Variants in DIP2B observed in about 807,000 individuals in gnomAD.
The protein encoded by DIP2B is DIP2 acetate--CoA ligase B (putative).
DIP2B carries 76 observed loss-of-function variants against 198.0 expected under a neutral mutation model. The ratio of observed to expected loss-of-function variants is 0.38; its 90% CI spans 0.32 to 0.46. The LOEUF is 0.46. Ranked by LOEUF, DIP2B falls within the 20% of genes least tolerant of loss-of-function variation. The pLI is 0.99. For synonymous variants in DIP2B, 701 were observed against 739.1 expected, an observed-to-expected ratio of 0.95 and a Z score of 0.84; for missense variants, 1,559 against 1,978.4, an observed-to-expected ratio of 0.79 and a Z score of 4.02.
At chr12:50,556,795 C>T (rs984433252) in intron 1 of DIP2B, among the ~76,000 whole-genome samples, 26 of 151,946 alleles carry the variant, frequency 1.7e-4, no homozygotes, top group Non-Finnish European at 3.4e-4. Context: ...CTGCAACCTC[C>T]ACCACCCAGG....
intron 1 of DIP2B, among the ~76,000 whole-genome samples, chr12:50,583,750 G>A (rs181995883): frequency 2.0e-5 from 3 of 152,266 alleles, no homozygotes; most frequent in Non-Finnish European, 4.4e-5. Flanking sequence ...ACACTCTGGT[G>A]TACCCCCATC....
At chr12:50,709,802 A>AAAT (rs899702735) in intron 22 of DIP2B, among the ~76,000 whole-genome samples, 2 of 151,872 alleles carry the variant, frequency 1.3e-5, no homozygotes, top group Admixed American at 6.6e-5. Context: ...CCCTGGCTCA[A>AAAT]AATAATAATA....
At chr12:50,693,052 GC>G in intron 14 of DIP2B, 39 bp downstream of exon 14, 1 of 1,580,092 alleles carries the variant, frequency 6.3e-7, no homozygotes, top group Non-Finnish European at 8.6e-7. Context: ...TGTAAATTGT[GC>G]TTGAGATAAG....
chr12:50,648,798 A>G (rs1938399523), intron 3 of DIP2B, among the ~76,000 whole-genome samples: 1 of 152,100 alleles, frequency 6.6e-6, no homozygotes, highest in Non-Finnish European at 1.5e-5. Flanking sequence ...GACAAGAAAA[A>G]TCAGTAAGAA....
intron 1 of DIP2B, among the ~76,000 whole-genome samples, chr12:50,595,661 TGAG>T (rs1228985972): frequency 1.3e-5 from 2 of 152,174 alleles, no homozygotes; most frequent in Admixed American, 6.5e-5. Flanking sequence ...ATGTGGCCAT[TGAG>T]GAGAATACTA....
Position 50,714,313 on chromosome 12 carries a change from C to T in DIP2B, c.2650-82C>T, listed in dbSNP as rs550145098. The T allele has an allele frequency of 5.0e-5, 76 of 1,518,596 alleles. No individual in the cohort carries two copies. In the African/African-American group the frequency reaches 7.3e-4, roughly 15 times the overall value. 94.1% of individuals were successfully genotyped at this position (1,518,596 alleles called of 1,614,324 possible). On this transcript the variant is annotated intron_variant, in intron 22 of 37. Coordinates refer to ENST00000301180, the MANE Select transcript of DIP2B (RefSeq NM_173602.3). ...ATGGGTAGAGTAAGAAAAATTGTAG[C>T]GTAAAATAATGGATTATACCAGGAA...
At chr12:50,613,768 C>A (rs1041433527) in intron 1 of DIP2B, among the ~76,000 whole-genome samples, 1 of 152,256 alleles carries the variant, frequency 6.6e-6, no homozygotes, top group South Asian at 2.1e-4. Context: ...TAACCACTGA[C>A]AACACTAACC....
At chr12:50,728,787 G>GGAAACA in intron 30 of DIP2B, 109 bp downstream of exon 30, 1 of 1,405,862 alleles carries the variant, frequency 7.1e-7, no homozygotes, top group Non-Finnish European at 9.5e-7. Context: ...TCAGTAAAAT[G>GGAAACA]CTAGTGTTTC....
At chr12:50,711,066 T>C (rs1335197863) in intron 22 of DIP2B, among the ~76,000 whole-genome samples, 1 of 152,236 alleles carries the variant, frequency 6.6e-6, no homozygotes, top group African/African-American at 2.4e-5. Context: ...TCCCAAGATA[T>C]TTGCTACTTT....
chr12:50,607,416 A>T (rs1429480775), intron 1 of DIP2B, among the ~76,000 whole-genome samples: 2 of 152,314 alleles, frequency 1.3e-5, no homozygotes, highest in East Asian at 1.9e-4. Context: ...GGAATGGAAG[A>T]TCTAGACATT....
intron 1 of DIP2B, among the ~76,000 whole-genome samples, chr12:50,578,403 T>C (rs553848552): frequency 4.6e-5 from 7 of 151,834 alleles, no homozygotes; most frequent in Non-Finnish European, 1.0e-4. Context: ...AAAATAGTTA[T>C]ACGTACCTTC....
At chr12:50,630,369 TTCTC>T (rs148430444) in intron 2 of DIP2B, among the ~76,000 whole-genome samples, 7 of 151,194 alleles carry the variant, frequency 4.6e-5, no homozygotes, top group African/African-American at 1.5e-4. Flanking sequence ...CTTTCTTCTC[TTCTC>T]TCTCTCTCTC....
At chr12:50,527,590 G>T (rs1958178169) in intron 1 of DIP2B, among the ~76,000 whole-genome samples, 1 of 152,088 alleles carries the variant, frequency 6.6e-6, no homozygotes, top group African/African-American at 2.4e-5. Context: ...GTGAGACTCT[G>T]TCCCTAGGTG....
chr12:50,674,906 TG>T (rs767924991), intron 6 of DIP2B, among the ~76,000 whole-genome samples: 5 of 152,206 alleles, frequency 3.3e-5, no homozygotes, highest in Non-Finnish European at 5.9e-5. Flanking sequence ...GGCTCACGCC[TG>T]TAATCCCAGC....
intron 27 of DIP2B, 93 bp from the exon 28 acceptor site, chr12:50,724,682 G>A: frequency 1.0e-6 from 1 of 983,122 alleles, no homozygotes; most frequent in Non-Finnish European, 1.6e-6. Context: ...TGTCCAGTGT[G>A]GTACATGAGT....
intron 13 of DIP2B, among the ~76,000 whole-genome samples, chr12:50,692,726 A>G (rs1437456209): frequency 2.0e-5 from 3 of 152,094 alleles, no homozygotes; most frequent in Admixed American, 2.0e-4. Context: ...AATCCCAGCT[A>G]TTTGGGAGGC....
intron 1 of DIP2B, among the ~76,000 whole-genome samples, chr12:50,523,086 T>C (rs1176529530): frequency 1.3e-5 from 2 of 152,176 alleles, no homozygotes; most frequent in Non-Finnish European, 1.5e-5. Context: ...TTTAAAGATA[T>C]AAAAGCAGAA....
chr12:50,577,558 T>C (rs969101739), intron 1 of DIP2B, among the ~76,000 whole-genome samples: 3 of 151,196 alleles, frequency 2.0e-5, no homozygotes, highest in Non-Finnish European at 4.4e-5. Context: ...TAAAAAAAAG[T>C]AAAACTGAAA....
intron 34 of DIP2B, 53 bp downstream of exon 34, chr12:50,735,183 A>G (rs1940115159): frequency 8.1e-6 from 13 of 1,597,366 alleles, no homozygotes; most frequent in Non-Finnish European, 1.0e-5. Flanking sequence ...GAAGTGGTTC[A>G]GTTTAAAGAA....
Sources: gnomAD v4.1 joint callset for allele counts (sites outside exome capture counted in the v4.1 genomes callset) on GRCh38, gnomAD v4.1.1 for gene constraint, MANE v1.5 for transcripts, NCBI Gene and HGNC (gene_info 2026-07-23, HGNC 2026-07-21) for gene names.